The following TENM3 variants were observed in gnomAD, a reference collection of about 807,000 sequenced individuals.
TENM3 encodes the protein teneurin transmembrane protein 3.
In TENM3, 63 loss-of-function variants were observed where a neutral mutation model predicts 255.1. That is an observed-to-expected ratio of 0.25 (90% confidence interval 0.20 to 0.30). The LOEUF (loss-of-function observed/expected upper bound fraction) is 0.30. Among genes scored for constraint, TENM3 ranks in the 10% least tolerant of loss-of-function variants. The pLI, the probability that TENM3 is intolerant of heterozygous loss-of-function variation, is 1.00. For synonymous variants in TENM3, 1,306 were observed against 1,322.3 expected (o/e 0.99, Z 0.27); for missense variants, 2,929 against 3,461.1 (o/e 0.85, Z 3.86).
chr4:181,915,446 AG>A, the TENM3 span, among the ~76,000 whole-genome samples: 8 of 152,176 alleles, frequency 5.3e-5, no homozygotes, highest in African/African-American at 1.7e-4. Context: ...CTTAAGGAAA[AG>A]ATATTTTAAT....
At chr4:181,805,978 C>T in the TENM3 span, among the ~76,000 whole-genome samples, 4 of 152,152 alleles carry the variant, frequency 2.6e-5, no homozygotes, top group African/African-American at 9.7e-5. Context: ...CTCCCCTAAG[C>T]CATCCTCCGA....
At position 182,775,036 on chromosome 4, in the gene TENM3, G is replaced by T. The variant is rs774056208; in HGVS notation, c.5187G>T (p.Pro1729=). The T allele has an allele frequency of 6.2e-7, 1 of 1,613,952 alleles. No individual in the cohort carries two copies. Among genetic ancestry groups the T allele is most frequent in the Non-Finnish European group, 8.5e-7 (1 of 1,179,894 alleles). ...ACGTTCTGGCTGGCACCGCTAATCC[G>T]ACGGTTGCCAAAAGAAACATGACTT... is the stretch of plus-strand genomic sequence containing the variant. ...EPHVLAGTAN[P]TVAKRNMTLP... The change falls in exon 24 of 28, where the codon CCG becomes CCT. Residue 1729 remains proline (P), a synonymous_variant. Coordinates refer to ENST00000511685, the MANE Select transcript of TENM3 (RefSeq NM_001080477.4).
the TENM3 span, among the ~76,000 whole-genome samples, chr4:181,627,013 AG>A: frequency 1.3e-5 from 2 of 152,292 alleles, no homozygotes; most frequent in Admixed American, 1.3e-4. Flanking sequence ...GGTGAGTGGA[AG>A]ACAAGGCGTT....
At chr4:182,150,570 T>G (rs902330710) in intron 1 of TENM3, among the ~76,000 whole-genome samples, 1 of 152,072 alleles carries the variant, frequency 6.6e-6, no homozygotes, top group Non-Finnish European at 1.5e-5. Context: ...TTTATAGGCA[T>G]GCTTGCTTTG....
At chr4:181,463,227 A>G in the TENM3 span, among the ~76,000 whole-genome samples, 2 of 152,058 alleles carry the variant, frequency 1.3e-5, no homozygotes, top group African/African-American at 4.8e-5. Flanking sequence ...TATCAAAATT[A>G]TTTTCTTTAA....
the TENM3 span, chr4:181,834,739 G>A: frequency 5.3e-5 from 8 of 152,222 alleles, no homozygotes; most frequent in Non-Finnish European, 1.5e-5. Context: ...GGAGAACAAC[G>A]GCCTCACACT....
the TENM3 span, among the ~76,000 whole-genome samples, chr4:181,479,738 A>T: frequency 1.3e-5 from 2 of 152,288 alleles, no homozygotes; most frequent in East Asian, 3.9e-4. Context: ...CCATGTATGT[A>T]TATATTTTTC....
At chr4:182,156,745 T>C (rs1270750903) in intron 1 of TENM3, among the ~76,000 whole-genome samples, 1 of 152,218 alleles carries the variant, frequency 6.6e-6, no homozygotes, top group Non-Finnish European at 1.5e-5. Context: ...CTGATTTGAA[T>C]GTATATCTTC....
At position 182,625,165 on chromosome 4, in the gene TENM3, G is replaced by A. The variant is rs145865478; in HGVS notation, c.750-3486G>A. 7.2e-4 allele frequency among the ~76,000 whole-genome samples: 109 copies of A among 152,228 alleles called. No homozygotes were observed. The Middle Eastern group carries it at 0.01, about 14-fold the overall frequency. ...AATGGACACCTAGCTCAGGTCCATC[G>A]GTGATACCAGGAGGGGTCATCCAAG... On this transcript the variant is annotated intron_variant, in intron 4 of 27. Transcript: ENST00000511685.
chr4:182,285,211 T>C (rs894386559), intron 1 of TENM3, among the ~76,000 whole-genome samples: 15 of 151,358 alleles, frequency 9.9e-5, no homozygotes, highest in Non-Finnish European at 2.2e-4. Flanking sequence ...TGGTATTTGA[T>C]TGTGAATTAG....
intron 24 of TENM3, among the ~76,000 whole-genome samples, chr4:182,786,070 T>C (rs1765631996): frequency 6.6e-6 from 1 of 152,238 alleles, no homozygotes; most frequent in South Asian, 2.1e-4. Context: ...TCCTCATTAC[T>C]TTGGTTTGAG....
the TENM3 span, among the ~76,000 whole-genome samples, chr4:181,728,496 TC>T: frequency 6.6e-6 from 1 of 152,206 alleles, no homozygotes; most frequent in African/African-American, 2.4e-5. Flanking sequence ...TGAGGGTCCC[TC>T]CCCTTTTTAG....
chr4:181,874,550 A>C, the TENM3 span: 1 of 152,216 alleles, frequency 6.6e-6, no homozygotes, highest in Non-Finnish European at 1.5e-5. Context: ...TCCATCCTGC[A>C]TGATAAAAGA....
At chr4:181,470,927 C>T in the TENM3 span, among the ~76,000 whole-genome samples, 4 of 152,188 alleles carry the variant, frequency 2.6e-5, no homozygotes, top group Non-Finnish European at 5.9e-5. Flanking sequence ...CCAGTTACTA[C>T]CTTACCTTTT....
the TENM3 span, among the ~76,000 whole-genome samples, chr4:181,620,463 T>C: frequency 0.68 from 102,934 of 151,484 alleles, 35,197 homozygotes; most frequent in East Asian, 0.73. Flanking sequence ...AATATATTTC[T>C]AATCCGGGTT....
At chr4:181,548,505 T>G in the TENM3 span, among the ~76,000 whole-genome samples, 1 of 152,320 alleles carries the variant, frequency 6.6e-6, no homozygotes, top group East Asian at 1.9e-4. Flanking sequence ...TCCCAACTTT[T>G]TAACATTTCT....
the TENM3 span, among the ~76,000 whole-genome samples, chr4:182,034,068 G>A: frequency 6.6e-6 from 1 of 152,172 alleles, no homozygotes; most frequent in Non-Finnish European, 1.5e-5. Flanking sequence ...AGTGGTGGAA[G>A]GCAAAGGAGA....
the TENM3 span, among the ~76,000 whole-genome samples, chr4:181,499,096 C>A: frequency 6.6e-6 from 1 of 152,024 alleles, no homozygotes; most frequent in Non-Finnish European, 1.5e-5. Context: ...TTTCAGTTCC[C>A]AATAATAGAT....
At chr4:182,686,696 T>G (rs1756601269) in intron 11 of TENM3, among the ~76,000 whole-genome samples, 1 of 152,126 alleles carries the variant, frequency 6.6e-6, no homozygotes, top group South Asian at 2.1e-4. Context: ...CCACTTCAAT[T>G]AAATTAACTC....
Sources: gnomAD v4.1 joint callset for allele counts (sites outside exome capture counted in the v4.1 genomes callset) on GRCh38, gnomAD v4.1.1 for gene constraint, MANE v1.5 for transcripts, NCBI Gene and HGNC (gene_info 2026-07-23, HGNC 2026-07-21) for gene names.